Variants in TMOD1 observed in about 807,000 individuals in gnomAD.
TMOD1 encodes tropomodulin 1.
TMOD1 carries 17 observed loss-of-function variants against 40.6 expected under a neutral mutation model. The ratio of observed to expected loss-of-function variants is 0.42; its 90% CI spans 0.29 to 0.63. TMOD1 has a LOEUF of 0.63. Ranked by LOEUF, TMOD1 falls within the 20% of genes least tolerant of loss-of-function variation. TMOD1 has a pLI of 0.22. For synonymous variants in TMOD1, 181 were observed against 175.0 expected (o/e 1.03, Z -0.27); for missense variants, 391 against 447.6 (o/e 0.87, Z 1.14).
intron 8 of TMOD1, among the ~76,000 whole-genome samples, chr9:97,589,381 C>T (rs1421294466): frequency 3.1e-4 from 46 of 149,104 alleles, no homozygotes; most frequent in African/African-American, 1.1e-3. Context: ...CCCGGGTTCT[C>T]CTGCCTCAGC....
chr9:97,529,651 G>T (rs1346661911), intron 2 of TMOD1, among the ~76,000 whole-genome samples: 2 of 152,150 alleles, frequency 1.3e-5, no homozygotes, highest in Non-Finnish European at 2.9e-5. Context: ...TGTGCTAAAA[G>T]TATCCGCTGT....
intron 8 of TMOD1, among the ~76,000 whole-genome samples, chr9:97,571,614 C>T (rs73550776): frequency 0.046 from 6,952 of 152,310 alleles, 541 homozygotes; most frequent in African/African-American, 0.16. Flanking sequence ...CTGTAAGTGG[C>T]ATTACAACCC....
At chr9:97,518,546 G>T (rs998748393) in intron 1 of TMOD1, among the ~76,000 whole-genome samples, 6 of 152,338 alleles carry the variant, frequency 3.9e-5, no homozygotes, top group African/African-American at 1.4e-4. Flanking sequence ...CCTCTTTTTG[G>T]TTTTTTCTTT....
chr9:97,559,942 C>T (rs952468460), intron 4 of TMOD1, among the ~76,000 whole-genome samples: 1 of 149,232 alleles, frequency 6.7e-6, no homozygotes, highest in Non-Finnish European at 1.5e-5. Flanking sequence ...CAGCCTTGAC[C>T]GAGAGCCACT....
chr9:97,514,148 G>A (rs1794576417), intron 1 of TMOD1, among the ~76,000 whole-genome samples: 1 of 151,306 alleles, frequency 6.6e-6, no homozygotes, highest in Non-Finnish European at 1.5e-5. Context: ...AGCAACCTCT[G>A]TCTCCCAGGT....
Position 97,513,832 on chromosome 9 carries a change from C to T in TMOD1, c.-48-10309C>T, listed in dbSNP as rs757537680. ...TGGCAATGCTCCTTCTGCCATTGCA[C>T]AGTGGCCCTAGTGTCCTCGAGACCC... On this transcript the variant is annotated intron_variant, in intron 1 of 9. Coordinates refer to ENST00000259365, the MANE Select transcript of TMOD1 (RefSeq NM_003275.4). The surrounding 1 kb of genome is among the most constrained non-coding windows in gnomAD (Gnocchi z 4.1). 6.6e-6 allele frequency: 1 copy of T among 152,222 alleles called. No individual in the cohort carries two copies. Among genetic ancestry groups the T allele is most frequent in the Non-Finnish European group, 1.5e-5 (1 of 68,046 alleles). The allele number at this position is 152,222 out of a possible 1,614,324, so 9.4% of individuals were successfully genotyped here.
At chr9:97,575,743 C>T (rs1563995970) in intron 8 of TMOD1, among the ~76,000 whole-genome samples, 4 of 152,160 alleles carry the variant, frequency 2.6e-5, no homozygotes. Flanking sequence ...TCAGAGCCAC[C>T]GGCTCCAGGA....
In TMOD1 at chr9:97,556,473, G is replaced by A. The variant is rs570226816; in HGVS notation, c.397+3073G>A. Among the ~76,000 whole-genome samples, 15 of 152,278 alleles carry A rather than the reference G, an allele frequency of 9.9e-5. No individual in the cohort carries two copies. The South Asian group carries it at 1.9e-3, about 19-fold the overall frequency. Reference sequence around the variant, plus strand: ...GGACCAAGAGTGTGGGTAACTCACTGGAGGAAGAAGAGTAGGGAGAGGAGG... The same window carrying A: ...GGACCAAGAGTGTGGGTAACTCACTAGAGGAAGAAGAGTAGGGAGAGGAGG... On this transcript the variant is annotated intron_variant, in intron 4 of 9. Coordinates refer to ENST00000259365, the MANE Select transcript of TMOD1 (RefSeq NM_003275.4).
chr9:97,524,781 G>A (rs1829980023), intron 2 of TMOD1, among the ~76,000 whole-genome samples: 1 of 152,110 alleles, frequency 6.6e-6, no homozygotes, highest in Admixed American at 6.5e-5. Flanking sequence ...CAGTCAGGCA[G>A]GAGGAAATTT....
At chr9:97,508,588 G>A (rs1205897209) in intron 1 of TMOD1, among the ~76,000 whole-genome samples, 1 of 152,206 alleles carries the variant, frequency 6.6e-6, no homozygotes, top group East Asian at 1.9e-4. Context: ...AGACGTGCCT[G>A]GGATATTATG....
chr9:97,514,417 C>T (rs1022568778), intron 1 of TMOD1, among the ~76,000 whole-genome samples: 6 of 151,890 alleles, frequency 4.0e-5, no homozygotes, highest in East Asian at 1.9e-4. Context: ...CGCACCTGGC[C>T]GAAATTCTTA....
chr9:97,546,095 T>C (rs1057286306), intron 2 of TMOD1, 90 bp from the exon 3 acceptor site: 4 of 1,446,908 alleles, frequency 2.8e-6, no homozygotes, highest in Admixed American at 4.6e-5. Flanking sequence ...GATGAGTTTC[T>C]GGAGAAGTGC....
In TMOD1 at chr9:97,600,882, A is replaced by G. The variant is rs1826241932; in HGVS notation, c.*1184A>G. On this transcript the variant is annotated 3_prime_UTR_variant, in exon 10 of 10. Coordinates refer to ENST00000259365, the MANE Select transcript of TMOD1 (RefSeq NM_003275.4). ...AAGCCACAATGCCCTTGTGCCTTTT[A>G]ATATACCACAGTGCCAGTTAAACTA... is the stretch of plus-strand genomic sequence containing the variant. 1 of 1,124,654 alleles carries G rather than the reference A, an allele frequency of 8.9e-7. No homozygotes were observed. The highest frequency in any genetic ancestry group is 1.1e-6 in the Non-Finnish European group (1 of 905,622). The allele number at this position is 1,124,654 out of a possible 1,614,324, so 69.7% of individuals were successfully genotyped here.
At chr9:97,574,823 T>C (rs1830896130) in intron 8 of TMOD1, among the ~76,000 whole-genome samples, 1 of 152,056 alleles carries the variant, frequency 6.6e-6, no homozygotes, top group South Asian at 2.1e-4. Flanking sequence ...ATGGAGAACT[T>C]TTGTGTCCAC....
At chr9:97,550,502 G>A (rs191075584) in intron 3 of TMOD1, among the ~76,000 whole-genome samples, 2 of 152,160 alleles carry the variant, frequency 1.3e-5, no homozygotes, top group African/African-American at 2.4e-5. Context: ...CAATGTACGA[G>A]GGCTCCAATT....
intron 2 of TMOD1, among the ~76,000 whole-genome samples, chr9:97,526,035 G>A (rs748982347): frequency 2.6e-5 from 4 of 152,114 alleles, no homozygotes; most frequent in Admixed American, 6.5e-5. Context: ...AATGGCATCC[G>A]CAATTGCCCA....
intron 7 of TMOD1, 42 bp from the exon 8 acceptor site, chr9:97,568,852 G>T (rs754992340): frequency 6.2e-7 from 1 of 1,607,560 alleles, no homozygotes; most frequent in East Asian, 2.2e-5. Flanking sequence ...AGCCTTGCTC[G>T]GGGTGACTCA....
chr9:97,503,001 C>T (rs927371554), intron 1 of TMOD1, among the ~76,000 whole-genome samples: 6 of 152,186 alleles, frequency 3.9e-5, no homozygotes, highest in African/African-American at 1.4e-4. Context: ...CGCCCTATGC[C>T]CTCAGACTCT....
Position 97,599,932 on chromosome 9 carries a change from C to CTA in TMOD1, c.*235_*236dup. The CTA allele has an allele frequency of 7.7e-7, 1 of 1,293,550 alleles. No homozygotes were observed. The highest frequency in any genetic ancestry group is 1.8e-5 in the South Asian group (1 of 55,432). 80.1% of individuals were successfully genotyped at this position (1,293,550 alleles called of 1,614,324 possible). A position where few individuals can be genotyped will look rare whatever the true frequency, so the allele number is the denominator to read the frequency against. Reference sequence around the variant, plus strand: ...GTTGAATCTGGTTATTATTTAAAAACTAGAAGCCCCCAAACCAGCAGATCT... The same window carrying CTA: ...GTTGAATCTGGTTATTATTTAAAAACTATAGAAGCCCCCAAACCAGCAGATCT... On this transcript the variant is annotated 3_prime_UTR_variant, in exon 10 of 10. Transcript: ENST00000259365.
Sources: gnomAD v4.1 joint callset for allele counts (sites outside exome capture counted in the v4.1 genomes callset) on GRCh38, gnomAD v4.1.1 for gene constraint, Gnocchi (gnomAD v3.1) non-coding constraint, MANE v1.5 for transcripts, NCBI Gene and HGNC (gene_info 2026-07-23, HGNC 2026-07-21) for gene names.